PRKCZ: variants seen among roughly 807,000 people sequenced by gnomAD.
PRKCZ encodes protein kinase C zeta type.
A neutral mutation model predicts 79.5 loss-of-function variants in PRKCZ; 33 were observed. The observed-to-expected ratio is 0.41, with a 90% CI of 0.31 to 0.55. The LOEUF is 0.55. Ranked by LOEUF, PRKCZ falls within the 20% of genes least tolerant of loss-of-function variation. The pLI, the probability that PRKCZ is intolerant of heterozygous loss-of-function variation, is 0.19. For missense variants in PRKCZ, 578 were observed against 813.5 expected (o/e 0.71, Z 3.52); for synonymous variants, 342 against 320.9 (o/e 1.07, Z -0.70).
At chr1:2,142,522 T>C (rs535609267) in intron 5 of PRKCZ, 122 of 302,524 alleles carry the variant, frequency 4.0e-4, no homozygotes, top group African/African-American at 2.7e-3. Flanking sequence ...AAACTCCCAA[T>C]GCCGGCATTA....
chr1:2,088,487 G>A (rs1664917139), intron 4 of PRKCZ, among the ~76,000 whole-genome samples: 1 of 152,194 alleles, frequency 6.6e-6, no homozygotes. Context: ...GAACGTCCTC[G>A]AGTCCTTGAG....
chr1:2,133,412 G>A (rs1571698471), intron 4 of PRKCZ, among the ~76,000 whole-genome samples: 2 of 141,208 alleles, frequency 1.4e-5, no homozygotes, highest in East Asian at 2.1e-4. Context: ...CCAGCTGCGC[G>A]TCCGTTCCTC....
intron 10 of PRKCZ, among the ~76,000 whole-genome samples, chr1:2,164,692 T>C (rs992725955): frequency 2.2e-4 from 34 of 152,234 alleles, no homozygotes; most frequent in African/African-American, 6.3e-4. Flanking sequence ...GCAAGCTTCA[T>C]TGGATTTTTA....
In PRKCZ at chr1:2,125,012, G is replaced by A. The variant is rs1028366277; in HGVS notation, c.335-10250G>A. On this transcript the variant is annotated intron_variant, in intron 4 of 17. Coordinates refer to ENST00000378567, the MANE Select transcript of PRKCZ (RefSeq NM_002744.6). This position sits in a 1 kb window ranked among gnomAD's most constrained non-coding sequence, Gnocchi z 4.2. Reference sequence around the variant, plus strand: ...GGTTCTGAGTTATTGTGACTCAGCCGCACGTCCTCCCAGGGGCCTTGCCAG... The same window carrying A: ...GGTTCTGAGTTATTGTGACTCAGCCACACGTCCTCCCAGGGGCCTTGCCAG... 2.0e-5 allele frequency among the ~76,000 whole-genome samples: 3 copies of A among 152,188 alleles called. No individual in the cohort carries two copies. The highest frequency in any genetic ancestry group is 6.5e-5 in the Admixed American group (1 of 15,288).
intron 10 of PRKCZ, among the ~76,000 whole-genome samples, chr1:2,167,696 T>C (rs1047039706): frequency 6.6e-6 from 1 of 152,120 alleles, no homozygotes; most frequent in Non-Finnish European, 1.5e-5. Context: ...CTGTGCCTCC[T>C]GGGTTCAGGC....
chr1:2,074,034 T>TCC, intron 4 of PRKCZ: 1 of 1,438,284 alleles, frequency 7.0e-7, no homozygotes, highest in Non-Finnish European at 9.1e-7. Context: ...GTCAGCATTT[T>TCC]GGGTCTGAGT....
At chr1:2,156,222 C>A in intron 10 of PRKCZ, 130 bp downstream of exon 10, 1 of 750,156 alleles carries the variant, frequency 1.3e-6, no homozygotes, top group Non-Finnish European at 2.2e-6. Context: ...TGTTTTCAGG[C>A]CAGCAGACTC....
At position 2,056,502 on chromosome 1, in the gene PRKCZ, C is replaced by G; in HGVS notation, c.212C>G (p.Ser71Cys). The change falls in exon 3 of 18, where the codon TCC (serine) becomes TGC (cysteine). Residue 71 changes from serine to cysteine, a missense_variant. Physicochemically the swap from Ser to Cys is moderately radical, Grantham distance 112. Coordinates refer to ENST00000378567, the MANE Select transcript of PRKCZ (RefSeq NM_002744.6). Reference protein sequence around the residue: ...VDSEGDPCTVSSQMELEEAFR... With the variant: ...VDSEGDPCTVCSQMELEEAFR... ...CACCCAGGTGACCCTTGCACGGTGT[C>G]CTCCCAGATGGAGCTGGAAGAGGCT... The G allele has an allele frequency of 6.2e-7, 1 of 1,613,948 alleles. No individual in the cohort carries two copies. The highest frequency in any genetic ancestry group is 8.5e-7 in the Non-Finnish European group (1 of 1,179,950).
chr1:2,081,328 G>T (rs1407201709), intron 4 of PRKCZ, among the ~76,000 whole-genome samples: 1 of 152,158 alleles, frequency 6.6e-6, no homozygotes, highest in Non-Finnish European at 1.5e-5. Flanking sequence ...TGGCTGTTGG[G>T]GCAGCGATGA....
At chr1:2,148,819 A>C in intron 7 of PRKCZ, 53 bp from the exon 8 acceptor site, 6 of 1,574,058 alleles carry the variant, frequency 3.8e-6, no homozygotes, top group Non-Finnish European at 5.2e-6. Context: ...CTGTGTTCCC[A>C]GTGCGTTCCT....
At chr1:2,095,522 T>A (rs1666301545) in intron 4 of PRKCZ, among the ~76,000 whole-genome samples, 1 of 152,026 alleles carries the variant, frequency 6.6e-6, no homozygotes, top group African/African-American at 2.4e-5. Context: ...GTGGATGCCT[T>A]TTCAAGTCCC....
chr1:2,171,938 A>G, intron 11 of PRKCZ, 117 bp from the exon 12 acceptor site: 1 of 1,283,792 alleles, frequency 7.8e-7, no homozygotes, highest in Non-Finnish European at 1.0e-6. Context: ...GGGCCTGGTC[A>G]TTGAGAGGAT....
chr1:2,161,978 C>T (rs1305539849), intron 10 of PRKCZ, among the ~76,000 whole-genome samples: 4 of 152,058 alleles, frequency 2.6e-5, no homozygotes, highest in Admixed American at 1.3e-4. Flanking sequence ...TTTTAACGTG[C>T]AGGAAAGAAC....
chr1:2,154,610 A>T (rs1571870513), intron 9 of PRKCZ, among the ~76,000 whole-genome samples: 2 of 152,114 alleles, frequency 1.3e-5, no homozygotes, highest in East Asian at 3.9e-4. Flanking sequence ...AGGTGGGAGG[A>T]TCGCTGGAGC....
chr1:2,052,351 C>T (rs191985983), intron 1 of PRKCZ, among the ~76,000 whole-genome samples: 4 of 152,034 alleles, frequency 2.6e-5, no homozygotes, highest in African/African-American at 9.6e-5. Flanking sequence ...CTCTGGTTTC[C>T]CAGGCTGGAG....
At position 2,127,438 on chromosome 1, in the gene PRKCZ, C is replaced by T. The variant is rs548075013; in HGVS notation, c.335-7824C>T. 1.3e-5 allele frequency among the ~76,000 whole-genome samples: 2 copies of T among 151,772 alleles called. No individual in the cohort carries two copies. Among genetic ancestry groups the T allele is most frequent in the African/African-American group, 2.4e-5 (1 of 41,422 alleles). On this transcript the variant is annotated intron_variant, in intron 4 of 17. Transcript: ENST00000378567. The surrounding 1 kb of genome is among the most constrained non-coding windows in gnomAD (Gnocchi z 5.1). ...CTGCCCCACGGCCACCCCAGATCCT[C>T]AGACGCCCCTCCCTGTGCCTTCTCA... is the stretch of plus-strand genomic sequence containing the variant.
chr1:2,181,246 A>C (rs1686553865), intron 16 of PRKCZ, among the ~76,000 whole-genome samples: 1 of 151,932 alleles, frequency 6.6e-6, no homozygotes, highest in Admixed American at 6.5e-5. Context: ...CACACCCACT[A>C]TGGGGCCTTT....
intron 4 of PRKCZ, among the ~76,000 whole-genome samples, chr1:2,101,733 G>A (rs1667470815): frequency 6.6e-6 from 1 of 152,150 alleles, no homozygotes; most frequent in Non-Finnish European, 1.5e-5. Flanking sequence ...GACCGCATCT[G>A]ATACTTAGCA....
chr1:2,148,437 A>T (rs1049654670), intron 7 of PRKCZ, among the ~76,000 whole-genome samples: 1 of 151,444 alleles, frequency 6.6e-6, no homozygotes, highest in African/African-American at 2.4e-5. Context: ...CCATCTATCC[A>T]TCCATCTATT....
Sources: allele counts gnomAD v4.1 joint callset (sites outside exome capture counted in the v4.1 genomes callset), GRCh38; gene constraint gnomAD v4.1.1; non-coding constraint Gnocchi (gnomAD v3.1); transcripts MANE v1.5; gene names NCBI Gene and HGNC (gene_info 2026-07-23, HGNC 2026-07-21).